DLG2: variants seen among roughly 807,000 people sequenced by gnomAD.
The protein encoded by DLG2 is disks large homolog 2.
Under a neutral mutation model 132.5 loss-of-function variants are expected in DLG2, and 45 were observed. The observed-to-expected ratio is 0.34, with a 90% CI of 0.27 to 0.44. The LOEUF (loss-of-function observed/expected upper bound fraction) is 0.44. Ranked by LOEUF, DLG2 falls within the 20% of genes least tolerant of loss-of-function variation. DLG2 has a pLI of 1.00. For missense variants in DLG2, 1,045 were observed against 1,196.9 expected, an observed-to-expected ratio of 0.87 and a Z score of 1.87; for synonymous variants, 424 against 419.6, an observed-to-expected ratio of 1.01 and a Z score of -0.13.
intron 6 of DLG2, among the ~76,000 whole-genome samples, chr11:84,742,920 A>G (rs1466413586): frequency 1.3e-5 from 2 of 152,076 alleles, no homozygotes; most frequent in Non-Finnish European, 1.5e-5. Context: ...GCCTTTTAAT[A>G]TTGGCTTCCT....
intron 6 of DLG2, among the ~76,000 whole-genome samples, chr11:84,685,683 G>A (rs1221376624): frequency 6.6e-6 from 1 of 152,050 alleles, no homozygotes; most frequent in Non-Finnish European, 1.5e-5. Flanking sequence ...ATATTTCAAA[G>A]TAATATTTTG....
intron 2 of DLG2, among the ~76,000 whole-genome samples, chr11:85,624,121 G>A (rs1283561778): frequency 6.6e-6 from 1 of 152,142 alleles, no homozygotes; most frequent in African/African-American, 2.4e-5. Flanking sequence ...ACTGAGATCT[G>A]TAAAAATGCG....
chr11:84,541,328 G>T (rs1487595490), intron 6 of DLG2, among the ~76,000 whole-genome samples: 1 of 151,970 alleles, frequency 6.6e-6, no homozygotes, highest in Non-Finnish European at 1.5e-5. Flanking sequence ...CCCTATCTTA[G>T]TTCATTTTGC....
At chr11:84,750,147 G>T (rs11826250) in intron 6 of DLG2, among the ~76,000 whole-genome samples, 20,016 of 151,928 alleles carry the variant, frequency 0.13, 1,527 homozygotes, top group African/African-American at 0.22. Flanking sequence ...ACTTTGCTCT[G>T]TACTTTTTTT....
chr11:83,748,128 G>T (rs1366368573), intron 18 of DLG2, among the ~76,000 whole-genome samples: 1 of 152,156 alleles, frequency 6.6e-6, no homozygotes, highest in Non-Finnish European at 1.5e-5. Context: ...TATGTACTCT[G>T]TCAAGGTTTG....
chr11:83,744,540 A>G (rs1282848181), intron 18 of DLG2, among the ~76,000 whole-genome samples: 1 of 152,212 alleles, frequency 6.6e-6, no homozygotes, highest in Non-Finnish European at 1.5e-5. Context: ...CTACACTTAC[A>G]TATATTCACT....
At chr11:85,334,818 T>C (rs1451358742) in intron 3 of DLG2, among the ~76,000 whole-genome samples, 1 of 152,210 alleles carries the variant, frequency 6.6e-6, no homozygotes, top group East Asian at 1.9e-4. Context: ...TTTTATTAAA[T>C]TGTAGAGAAC....
In DLG2 at chr11:85,163,404, A is replaced by G. The variant is rs966665987; in HGVS notation, c.187-8753T>C. 2.0e-5 allele frequency among the ~76,000 whole-genome samples: 3 copies of G among 152,202 alleles called. No individual in the cohort carries two copies. The East Asian group carries it at 5.8e-4, about 29-fold the overall frequency. On this transcript the variant is annotated intron_variant, in intron 4 of 27. Coordinates refer to ENST00000376104, the MANE Select transcript of DLG2 (RefSeq NM_001142699.3). ...ACTCTAATTGGCCAGAGAAATATAA[A>G]AATACGTAATTTATATTACATATAT...
chr11:85,008,715 T>A (rs1359512805), intron 6 of DLG2, among the ~76,000 whole-genome samples: 1 of 152,064 alleles, frequency 6.6e-6, no homozygotes, highest in Admixed American at 6.6e-5. Flanking sequence ...TGCCAGCACT[T>A]TTCAAAGTCT....
chr11:84,810,970 G>A (rs2076488948), intron 6 of DLG2, among the ~76,000 whole-genome samples: 1 of 152,134 alleles, frequency 6.6e-6, no homozygotes, highest in Non-Finnish European at 1.5e-5. Context: ...AGGACAACAT[G>A]TGGGGTCCTT....
chr11:84,785,172 C>T (rs778331281), intron 6 of DLG2, among the ~76,000 whole-genome samples: 4 of 151,864 alleles, frequency 2.6e-5, no homozygotes, highest in Non-Finnish European at 4.4e-5. Flanking sequence ...ATGTCTCTTA[C>T]GTTTCTTTTA....
At chr11:84,365,739 A>G (rs1027465003) in intron 7 of DLG2, among the ~76,000 whole-genome samples, 4 of 152,008 alleles carry the variant, frequency 2.6e-5, no homozygotes, top group African/African-American at 9.7e-5. Flanking sequence ...TTCAAAGAAC[A>G]TCTTTATTTC....
At chr11:85,430,768 CTG>C (rs1199967371) in intron 3 of DLG2, among the ~76,000 whole-genome samples, 1 of 150,240 alleles carries the variant, frequency 6.7e-6, no homozygotes, top group African/African-American at 2.5e-5. Context: ...GGGGACTGAA[CTG>C]TAAAGCACAA....
At position 85,386,159 on chromosome 11, in the gene DLG2, T is replaced by TA. The variant is rs543311650; in HGVS notation, c.41-100795dup. Among the ~76,000 whole-genome samples the TA allele has an allele frequency of 6.6e-4, 100 of 152,338 alleles. No individual in the cohort carries two copies. The Middle Eastern group carries it at 0.01, about 16-fold the overall frequency. Reference sequence around the variant, plus strand: ...TGGAAGAATCACAGACTTTGAAATCTAAAAAATCAGGTTCTAACACATTCT... The same window carrying TA: ...TGGAAGAATCACAGACTTTGAAATCTAAAAAAATCAGGTTCTAACACATTCT... On this transcript the variant is annotated intron_variant, in intron 3 of 27. Transcript: ENST00000376104.
intron 6 of DLG2, among the ~76,000 whole-genome samples, chr11:84,750,588 C>T (rs2065980494): frequency 2.0e-5 from 3 of 151,870 alleles, no homozygotes; most frequent in South Asian, 4.2e-4. Flanking sequence ...AAACTATATA[C>T]CAAATTATAC....
intron 25 of DLG2, among the ~76,000 whole-genome samples, chr11:83,467,806 T>TAC (rs1176272962): frequency 0.017 from 1,695 of 99,788 alleles, 18 homozygotes; most frequent in Non-Finnish European, 0.028. Context: ...TATATATATA[T>TAC]ATATACACAC....
chr11:84,670,834 T>C (rs2099705063), intron 6 of DLG2, among the ~76,000 whole-genome samples: 1 of 149,984 alleles, frequency 6.7e-6, no homozygotes, highest in South Asian at 2.1e-4. Flanking sequence ...CAAAGCACCA[T>C]TTGTTTTGAC....
intron 3 of DLG2, among the ~76,000 whole-genome samples, chr11:85,519,504 T>C (rs2074106101): frequency 1.3e-5 from 2 of 152,224 alleles, no homozygotes; most frequent in Non-Finnish European, 2.9e-5. Context: ...CCAATACCTG[T>C]ACCCCTGTTG....
At chr11:84,204,702 T>A (rs1378197503) in intron 8 of DLG2, among the ~76,000 whole-genome samples, 3 of 152,218 alleles carry the variant, frequency 2.0e-5, no homozygotes, top group Admixed American at 1.3e-4. Context: ...ATATACTTTT[T>A]AATTTATTTT....
Sources: allele counts gnomAD v4.1 joint callset (sites outside exome capture counted in the v4.1 genomes callset), GRCh38; gene constraint gnomAD v4.1.1; transcripts MANE v1.5; gene names NCBI Gene and HGNC (gene_info 2026-07-23, HGNC 2026-07-21).